The following NME8 variants were observed in gnomAD, a reference collection of about 807,000 sequenced individuals.
The protein encoded by NME8 is NME/NM23 family member 8, also known as protein NME8.
A neutral mutation model predicts 82.3 loss-of-function variants in NME8; 72 were observed. The ratio of observed to expected loss-of-function variants is 0.87; its 90% confidence interval spans 0.72 to 1.06. NME8 has a LOEUF of 1.06. NME8 is among the 50% of genes least tolerant of loss of function. The pLI is 0.00. For missense variants in NME8, 712 were observed against 685.4 expected (o/e 1.04, Z -0.43); for synonymous variants, 267 against 228.5 (o/e 1.17, Z -1.52).
chr7:37,877,095 T>C (rs1784867600), intron 12 of NME8, 88 bp downstream of exon 12: 1 of 1,143,946 alleles, frequency 8.7e-7, no homozygotes, highest in African/African-American at 1.6e-5. Context: ...AGACATTGTT[T>C]TAAAATTTAA....
intron 11 of NME8, among the ~76,000 whole-genome samples, chr7:37,874,661 G>GA (rs1258878963): frequency 2.0e-5 from 3 of 151,852 alleles, no homozygotes; most frequent in Non-Finnish European, 4.4e-5. Context: ...AAAGTAAGAT[G>GA]AAAAAAATAA....
chr7:37,856,009 C>T (rs1372686948), intron 5 of NME8, among the ~76,000 whole-genome samples: 1 of 152,008 alleles, frequency 6.6e-6, no homozygotes, highest in African/African-American at 2.4e-5. Context: ...CAGCTGCAGA[C>T]CTCAATCTAG....
chr7:37,852,110 T>A (rs1226309896), intron 5 of NME8, among the ~76,000 whole-genome samples: 1 of 98,738 alleles, frequency 1.0e-5, no homozygotes, highest in Non-Finnish European at 2.4e-5. Context: ...AGGAATTGAC[T>A]TTTTTTTTTT....
chr7:37,889,336 T>G (rs936265328), intron 15 of NME8, among the ~76,000 whole-genome samples: 9 of 151,732 alleles, frequency 5.9e-5, no homozygotes, highest in Non-Finnish European at 1.2e-4. Flanking sequence ...TATTTTTTTC[T>G]CTTTTCTAAC....
chr7:37,897,435 A>G (rs540632434), intron 17 of NME8, among the ~76,000 whole-genome samples: 40 of 152,266 alleles, frequency 2.6e-4, no homozygotes, highest in Non-Finnish European at 4.9e-4. Context: ...CCATGATATA[A>G]AAAGCCTCAT....
chr7:37,898,124 A>G (rs936705702), intron 17 of NME8, among the ~76,000 whole-genome samples: 2 of 152,016 alleles, frequency 1.3e-5, no homozygotes, highest in African/African-American at 4.8e-5. Context: ...CCAACAGTGT[A>G]AAAGTGTTAC....
At chr7:37,850,128 T>C in intron 2 of NME8, 132 bp from the exon 3 acceptor site, 1 of 684,618 alleles carries the variant, frequency 1.5e-6, no homozygotes, top group East Asian at 2.7e-5. Context: ...AATACAGAGA[T>C]ACATAAATAT....
At chr7:37,880,510 T>C (rs1784927583) in intron 12 of NME8, among the ~76,000 whole-genome samples, 1 of 152,198 alleles carries the variant, frequency 6.6e-6, no homozygotes, top group South Asian at 2.1e-4. Flanking sequence ...TTGACTATGT[T>C]TGTGTGGGTC....
Position 37,876,879 on chromosome 7 carries a change from T to C in NME8, c.866T>C (p.Ile289Thr). Residue 289 changes from isoleucine (I) to threonine (T), a missense_variant, in exon 12 of 18, where the codon ATT becomes ACT. Ile to Thr is a moderately conservative substitution (Grantham distance 89, BLOSUM62 -1). Coordinates refer to ENST00000199447, the MANE Select transcript of NME8 (RefSeq NM_016616.5). ...ERQHLAQLCD[I>T]EEDAANVAKF... The stretch of plus-strand genomic sequence containing the variant: ...CAACATTTAGCTCAGCTCTGTGACA[T>C]TGAAGAGGATGCAGCTAATGTTGCT... 1.9e-6 allele frequency: 3 copies of C among 1,613,200 alleles called. No individual in the cohort carries two copies. Among genetic ancestry groups the C allele is most frequent in the Non-Finnish European group, 2.5e-6 (3 of 1,179,424 alleles).
intron 12 of NME8, 66 bp from the exon 13 acceptor site, chr7:37,884,237 T>C: frequency 9.0e-7 from 1 of 1,107,100 alleles, no homozygotes; most frequent in Non-Finnish European, 1.4e-6. Context: ...GATAGTATAT[T>C]ATGTATTGTG....
intron 11 of NME8, among the ~76,000 whole-genome samples, chr7:37,876,108 C>CT (rs11434201): frequency 0.47 from 71,373 of 151,058 alleles, 17,199 homozygotes; most frequent in East Asian, 0.74. Flanking sequence ...ACTCGGGAGG[C>CT]GAGGCAGGGG....
chr7:37,888,465 T>C (rs781478397), intron 15 of NME8, 37 bp downstream of exon 15: 2 of 1,576,154 alleles, frequency 1.3e-6, no homozygotes, highest in African/African-American at 1.4e-5. Flanking sequence ...GTATACATTT[T>C]CTCCAAATTT....
chr7:37,855,086 G>A (rs1784492591), intron 5 of NME8, among the ~76,000 whole-genome samples: 1 of 152,084 alleles, frequency 6.6e-6, no homozygotes, highest in Non-Finnish European at 1.5e-5. Flanking sequence ...AGGTCCTTAT[G>A]AGCCCCTGAT....
At chr7:37,892,417 C>A (rs1785143051) in intron 15 of NME8, among the ~76,000 whole-genome samples, 1 of 151,356 alleles carries the variant, frequency 6.6e-6, no homozygotes, top group African/African-American at 2.4e-5. Flanking sequence ...GATTGACTTA[C>A]TCAATTTTTA....
intron 12 of NME8, among the ~76,000 whole-genome samples, chr7:37,877,905 A>G (rs752334468): frequency 9.9e-5 from 15 of 152,158 alleles, no homozygotes; most frequent in Non-Finnish European, 5.9e-5. Flanking sequence ...ATTGATATAC[A>G]CAGTAATAGG....
At chr7:37,861,874 A>G (rs1398404651) in intron 6 of NME8, among the ~76,000 whole-genome samples, 154 bp from the exon 7 acceptor site, 1 of 152,142 alleles carries the variant, frequency 6.6e-6, no homozygotes, top group African/African-American at 2.4e-5. Context: ...CAGTATTAAG[A>G]CCTTACTGTA....
At chr7:37,882,337 C>T (rs1162292822) in intron 12 of NME8, among the ~76,000 whole-genome samples, 1 of 151,712 alleles carries the variant, frequency 6.6e-6, no homozygotes, top group East Asian at 1.9e-4. Flanking sequence ...AAATAGAAAA[C>T]GTAGCCGGGC....
chr7:37,889,756 A>C (rs1204772636), intron 15 of NME8, among the ~76,000 whole-genome samples: 1 of 152,040 alleles, frequency 6.6e-6, no homozygotes, highest in African/African-American at 2.4e-5. Context: ...AAGATTCTAC[A>C]TGTATGAGGA....
At chr7:37,873,380 G>T (rs1340257797) in intron 11 of NME8, among the ~76,000 whole-genome samples, 1 of 142,108 alleles carries the variant, frequency 7.0e-6, no homozygotes, top group African/African-American at 2.5e-5. Context: ...AAAAAGAAAA[G>T]AAAATAGTCT....
Sources: gnomAD v4.1 joint callset for allele counts (sites outside exome capture counted in the v4.1 genomes callset) on GRCh38, gnomAD v4.1.1 for gene constraint, MANE v1.5 for transcripts, NCBI Gene and HGNC (gene_info 2026-07-23, HGNC 2026-07-21) for gene names.